Variants in MYO16 observed in about 807,000 individuals in gnomAD.
MYO16 encodes unconventional myosin-XVI.
In MYO16, 94 loss-of-function variants were observed where a neutral mutation model predicts 205.3. That is an observed-to-expected ratio of 0.46 (90% CI 0.39 to 0.54). MYO16 has a LOEUF of 0.54. Ranked by LOEUF, MYO16 falls within the 20% of genes least tolerant of loss-of-function variation. MYO16 has a pLI of 0.00. For missense variants in MYO16, 2,315 were observed against 2,387.5 expected, an observed-to-expected ratio of 0.97 and a Z score of 0.63; for synonymous variants, 988 against 954.0, an observed-to-expected ratio of 1.04 and a Z score of -0.66.
the MYO16 span, among the ~76,000 whole-genome samples, chr13:108,569,714 T>A: frequency 6.6e-6 from 1 of 152,282 alleles, no homozygotes; most frequent in African/African-American, 2.4e-5. Context: ...GATGTCCTTA[T>A]CTTGTTCTGA....
intron 34 of MYO16, among the ~76,000 whole-genome samples, chr13:109,203,952 A>G (rs1430052775): frequency 6.6e-6 from 1 of 152,174 alleles, no homozygotes; most frequent in Non-Finnish European, 1.5e-5. Flanking sequence ...TGAAACTCCA[A>G]AATATCATGT....
intron 7 of MYO16, among the ~76,000 whole-genome samples, chr13:108,807,407 TCAAA>T (rs1338749259): frequency 1.3e-5 from 2 of 151,378 alleles, no homozygotes; most frequent in African/African-American, 4.8e-5. Context: ...GGAAGTTCTT[TCAAA>T]CAAACAAGAA....
At chr13:108,886,559 C>T in intron 13 of MYO16, 1 of 451,828 alleles carries the variant, frequency 2.2e-6, no homozygotes, top group South Asian at 1.6e-5. Flanking sequence ...TTGAATACCA[C>T]CAGAGCTTAG....
intron 28 of MYO16, among the ~76,000 whole-genome samples, chr13:109,108,222 AG>A (rs759423193): frequency 1.3e-5 from 2 of 152,174 alleles, no homozygotes; most frequent in Non-Finnish European, 2.9e-5. Flanking sequence ...CATCTCTTAC[AG>A]GGTCTGGCAC....
chr13:109,126,063 A>T (rs1158706893), intron 30 of MYO16, among the ~76,000 whole-genome samples: 2 of 152,130 alleles, frequency 1.3e-5, no homozygotes. Context: ...ATCGTCAGGG[A>T]GATGTTTGTT....
At chr13:108,855,618 AG>A in intron 11 of MYO16, 65 bp downstream of exon 11, 1 of 1,109,606 alleles carries the variant, frequency 9.0e-7, no homozygotes, top group Non-Finnish European at 1.3e-6. Flanking sequence ...ATCACCCTTC[AG>A]TGCTTCAAAT....
chr13:108,807,265 G>T (rs1312172612), intron 7 of MYO16, among the ~76,000 whole-genome samples: 2 of 152,016 alleles, frequency 1.3e-5, no homozygotes, highest in Admixed American at 1.3e-4. Flanking sequence ...TAGTAAATTT[G>T]TAGTAAGTTA....
chr13:108,543,800 T>C, the MYO16 span, among the ~76,000 whole-genome samples: 18 of 145,780 alleles, frequency 1.2e-4, no homozygotes, highest in African/African-American at 4.3e-4. Context: ...GCATGGTGGC[T>C]CACACTTGTA....
At chr13:108,775,736 A>G (rs1886103747) in intron 4 of MYO16, among the ~76,000 whole-genome samples, 1 of 152,188 alleles carries the variant, frequency 6.6e-6, no homozygotes. Flanking sequence ...AGTGATGCCA[A>G]AAATCAGCTG....
chr13:109,083,268 A>C (rs1888335677), intron 27 of MYO16, among the ~76,000 whole-genome samples: 1 of 151,698 alleles, frequency 6.6e-6, no homozygotes, highest in South Asian at 2.1e-4. Flanking sequence ...CTGTAATCCC[A>C]GCTACTCGGG....
At chr13:108,894,099 A>T (rs1880298522) in intron 14 of MYO16, among the ~76,000 whole-genome samples, 1 of 152,174 alleles carries the variant, frequency 6.6e-6, no homozygotes, top group Non-Finnish European at 1.5e-5. Context: ...ATCTTACATG[A>T]TGGCAGGAGA....
the MYO16 span, among the ~76,000 whole-genome samples, chr13:108,555,821 T>C: frequency 6.6e-6 from 1 of 152,240 alleles, no homozygotes; most frequent in Non-Finnish European, 1.5e-5. Context: ...CTTTTTTTGA[T>C]TCCACATATA....
the MYO16 span, among the ~76,000 whole-genome samples, chr13:108,585,660 T>C: frequency 6.6e-6 from 1 of 152,194 alleles, no homozygotes; most frequent in Non-Finnish European, 1.5e-5. Flanking sequence ...GGCAAGGGAA[T>C]ATATTTTGGG....
intron 12 of MYO16, among the ~76,000 whole-genome samples, chr13:108,874,408 A>G (rs1879223129): frequency 6.6e-6 from 1 of 152,214 alleles, no homozygotes; most frequent in Non-Finnish European, 1.5e-5. Context: ...ATTCTAGGAA[A>G]TGAAAACAGC....
intron 3 of MYO16, among the ~76,000 whole-genome samples, chr13:108,726,067 A>G (rs1481128944): frequency 6.6e-6 from 1 of 152,112 alleles, no homozygotes; most frequent in African/African-American, 2.4e-5. Context: ...TTGGTGGGTA[A>G]ATTTGTGTGC....
intron 27 of MYO16, among the ~76,000 whole-genome samples, chr13:109,081,815 T>C (rs1303581832): frequency 1.3e-5 from 2 of 152,200 alleles, no homozygotes; most frequent in African/African-American, 2.4e-5. Context: ...ACTTGGACTT[T>C]ATGCTGTAAC....
intron 16 of MYO16, among the ~76,000 whole-genome samples, chr13:108,942,483 G>A (rs1229520902): frequency 2.0e-5 from 3 of 152,084 alleles, no homozygotes; most frequent in African/African-American, 7.2e-5. Context: ...TTTTAGAACA[G>A]GCAGCAGCTT....
intron 4 of MYO16, among the ~76,000 whole-genome samples, chr13:108,740,250 T>C (rs186678212): frequency 6.7e-6 from 1 of 150,282 alleles, no homozygotes; most frequent in East Asian, 2.0e-4. Context: ...CTCTGTTTTT[T>C]CCCCATCTTT....
intron 27 of MYO16, among the ~76,000 whole-genome samples, chr13:109,092,051 A>G (rs542534810): frequency 6.6e-6 from 1 of 152,192 alleles, no homozygotes; most frequent in Admixed American, 6.5e-5. Flanking sequence ...TTCTCTTAGT[A>G]AGTGTTCAAT....
Sources: gnomAD v4.1 joint callset for allele counts (sites outside exome capture counted in the v4.1 genomes callset) on GRCh38, gnomAD v4.1.1 for gene constraint, MANE v1.5 for transcripts, NCBI Gene and HGNC (gene_info 2026-07-23, HGNC 2026-07-21) for gene names.